PPP1R12B: variants seen among roughly 807,000 people sequenced by gnomAD.
PPP1R12B encodes myosin phosphatase target subunit 2.
Under a neutral mutation model 126.1 loss-of-function variants are expected in PPP1R12B, and 76 were observed. The ratio of observed to expected loss-of-function variants is 0.60; its 90% CI spans 0.50 to 0.73. The LOEUF is 0.73. PPP1R12B is among the 30% of genes least tolerant of loss of function. The pLI is 0.00. For missense variants in PPP1R12B, 1,052 were observed against 1,205.1 expected (o/e 0.87, Z 1.88); for synonymous variants, 356 against 434.7 (o/e 0.82, Z 2.25).
At chr1:202,404,865 C>G (rs1177054971) in intron 1 of PPP1R12B, among the ~76,000 whole-genome samples, 5 of 152,190 alleles carry the variant, frequency 3.3e-5, no homozygotes, top group Non-Finnish European at 5.9e-5. Flanking sequence ...ACTTCTTACT[C>G]TGCACTATAA....
At chr1:202,571,550 G>T (rs912169506) in intron 23 of PPP1R12B, among the ~76,000 whole-genome samples, 1 of 152,100 alleles carries the variant, frequency 6.6e-6, no homozygotes, top group African/African-American at 2.4e-5. Flanking sequence ...AGATTCAATC[G>T]CTCAAGCGAT....
At chr1:202,434,860 T>C in intron 9 of PPP1R12B, 92 bp downstream of exon 9, 6 of 1,539,684 alleles carry the variant, frequency 3.9e-6, no homozygotes, top group Non-Finnish European at 4.3e-6. Flanking sequence ...TCTTGCAAAA[T>C]AATAAAAATA....
chr1:202,567,405 C>A, intron 21 of PPP1R12B: 2 of 163,846 alleles, frequency 1.2e-5, no homozygotes, highest in African/African-American at 2.5e-5. Flanking sequence ...GTTATTTCCT[C>A]TGGGTTGTGA....
intron 23 of PPP1R12B, 54 bp from the exon 24 acceptor site, chr1:202,580,420 G>A: frequency 6.8e-6 from 10 of 1,469,178 alleles, no homozygotes; most frequent in Non-Finnish European, 9.5e-6. Context: ...GTCAGGGAGG[G>A]CCAAGGAGGA....
intron 18 of PPP1R12B, among the ~76,000 whole-genome samples, chr1:202,557,581 A>G (rs1348637269): frequency 6.6e-6 from 1 of 152,164 alleles, no homozygotes; most frequent in African/African-American, 2.4e-5. Context: ...GCATGTCTCC[A>G]TGTTCAAAAA....
chr1:202,524,463 A>G (rs2148922292), intron 18 of PPP1R12B, among the ~76,000 whole-genome samples: 1 of 152,290 alleles, frequency 6.6e-6, no homozygotes, highest in South Asian at 2.1e-4. Flanking sequence ...TGGTGCACCC[A>G]TCATCCAAGC....
chr1:202,441,863 A>AT (rs967192901), intron 11 of PPP1R12B, among the ~76,000 whole-genome samples: 87 of 144,784 alleles, frequency 6.0e-4, no homozygotes, highest in Admixed American at 2.2e-3. Flanking sequence ...TTTTTTCTTT[A>AT]TTTTTTTTTT....
intron 10 of PPP1R12B, chr1:202,439,653 CT>C: frequency 1.4e-6 from 1 of 732,306 alleles, no homozygotes; most frequent in Non-Finnish European, 2.4e-6. Context: ...GTCCACTGCC[CT>C]TCCTGGTCCG....
intron 1 of PPP1R12B, among the ~76,000 whole-genome samples, chr1:202,392,970 G>A (rs765466577): frequency 4.5e-4 from 68 of 152,038 alleles, no homozygotes; most frequent in Non-Finnish European, 8.5e-4. Context: ...TCCAAAGACA[G>A]GATCTCTCTC....
intron 1 of PPP1R12B, among the ~76,000 whole-genome samples, chr1:202,377,454 C>T (rs1180033709): frequency 6.6e-6 from 1 of 151,942 alleles, no homozygotes; most frequent in Admixed American, 6.6e-5. Flanking sequence ...AAGCGCCCGC[C>T]ACCACGCCCG....
intron 13 of PPP1R12B, among the ~76,000 whole-genome samples, chr1:202,454,065 TA>T (rs1339492907): frequency 6.6e-6 from 1 of 152,172 alleles, no homozygotes; most frequent in Non-Finnish European, 1.5e-5. Context: ...CTGAAAGAAG[TA>T]AAATGAGTTA....
In PPP1R12B at chr1:202,562,640, G is replaced by A. The variant is rs949757210; in HGVS notation, c.2508-138G>A. The stretch of plus-strand genomic sequence containing the variant: ...GGGAACGCTGGCAGAGAGATTGAAG[G>A]AAAGAATGTTATGAGTTGTTTCTGG... On this transcript the variant is annotated intron_variant, in intron 19 of 23. Transcript: ENST00000608999. 4.0e-6 allele frequency: 4 copies of A among 1,001,732 alleles called. No individual in the cohort carries two copies. The Middle Eastern group carries it at 8.2e-4, about 206-fold the overall frequency. The allele number at this position is 1,001,732 out of a possible 1,614,324, so 62.1% of individuals were successfully genotyped here.
intron 4 of PPP1R12B, among the ~76,000 whole-genome samples, chr1:202,426,118 G>A (rs997549609): frequency 1.3e-5 from 2 of 152,168 alleles, no homozygotes; most frequent in African/African-American, 4.8e-5. Context: ...TAGATCTTGA[G>A]TATGCGATGT....
intron 1 of PPP1R12B, among the ~76,000 whole-genome samples, chr1:202,377,084 T>G (rs1400959632): frequency 6.6e-6 from 1 of 152,160 alleles, no homozygotes; most frequent in Non-Finnish European, 1.5e-5. Flanking sequence ...TGGATACCCC[T>G]GTTAACACCA....
At chr1:202,507,344 A>G (rs1680923569) in intron 18 of PPP1R12B, among the ~76,000 whole-genome samples, 1 of 152,188 alleles carries the variant, frequency 6.6e-6, no homozygotes. Context: ...ATATTTTATT[A>G]TAAAGTGCTT....
rs1462736919 is a variant in PPP1R12B, at chr1:202,567,817, G to C, written c.2797G>C (p.Glu933Gln). 7 of 1,614,012 alleles carry C rather than the reference G, an allele frequency of 4.3e-6. No homozygotes were observed. Among genetic ancestry groups the C allele is most frequent in the Non-Finnish European group, 5.9e-6 (7 of 1,179,948 alleles). The part of the protein sequence containing the change: ...EKTSDRSSVL[E>Q]MEKRERRALE... ...GACCTCTGACCGATCATCAGTGCTG[G>C]AGATGGAGAAACGGGTATGCGCATG... The change falls in exon 22 of 24, where the codon GAG becomes CAG. Residue 933 changes from glutamate to glutamine, a missense_variant. Transcript: ENST00000608999.
At chr1:202,471,179 A>G (rs376379268) in intron 13 of PPP1R12B, among the ~76,000 whole-genome samples, 2 of 152,158 alleles carry the variant, frequency 1.3e-5, no homozygotes, top group African/African-American at 4.8e-5. Context: ...ACATGTTTTA[A>G]TACTTTATAT....
intron 1 of PPP1R12B, among the ~76,000 whole-genome samples, chr1:202,351,164 T>C (rs1655896983): frequency 6.6e-6 from 1 of 151,764 alleles, no homozygotes; most frequent in African/African-American, 2.4e-5. Context: ...ACATTACAAG[T>C]CAGTTTCCGA....
At chr1:202,473,822 G>T (rs1277909878) in intron 13 of PPP1R12B, 2 of 474,012 alleles carry the variant, frequency 4.2e-6, no homozygotes, top group Non-Finnish European at 4.4e-6. Context: ...GGCAGTGCAA[G>T]CCTTTTCCAG....
Sources: allele counts gnomAD v4.1 joint callset (sites outside exome capture counted in the v4.1 genomes callset), GRCh38; gene constraint gnomAD v4.1.1; transcripts MANE v1.5; gene names NCBI Gene and HGNC (gene_info 2026-07-23, HGNC 2026-07-21).